PRKRIP1: variants seen among roughly 807,000 people sequenced by gnomAD.
PRKRIP1 encodes PRKR-interacting protein 1.
In PRKRIP1, 29 loss-of-function variants were observed where a neutral mutation model predicts 29.3. The observed-to-expected ratio is 0.99, with a 90% CI of 0.74 to 1.35. The LOEUF is 1.35. Among genes scored for constraint, PRKRIP1 ranks in the 40% most tolerant of loss-of-function variants. The pLI, the probability that PRKRIP1 is intolerant of heterozygous loss-of-function variation, is 0.00. For synonymous variants in PRKRIP1, 90 were observed against 85.1 expected, an observed-to-expected ratio of 1.06 and a Z score of -0.32; for missense variants, 247 against 236.8, an observed-to-expected ratio of 1.04 and a Z score of -0.28.
At chr7:102,401,233 A>G (rs1554571137) in intron 3 of PRKRIP1, among the ~76,000 whole-genome samples, 1 of 152,200 alleles carries the variant, frequency 6.6e-6, no homozygotes, top group African/African-American at 2.4e-5. Context: ...GGATAGATCA[A>G]TAGGTGTGTG....
chr7:102,410,688 T>C (rs1234774109), intron 5 of PRKRIP1, among the ~76,000 whole-genome samples: 1 of 152,198 alleles, frequency 6.6e-6, no homozygotes, highest in Non-Finnish European at 1.5e-5. Context: ...TCCAGAGTTC[T>C]GAAAAAGTTG....
chr7:102,409,541 A>G (rs1426519720), intron 5 of PRKRIP1, among the ~76,000 whole-genome samples: 1 of 152,032 alleles, frequency 6.6e-6, no homozygotes, highest in Non-Finnish European at 1.5e-5. Flanking sequence ...GTAAAAAATC[A>G]GCCAGGCATG....
At chr7:102,408,089 A>G (rs17135197) in intron 5 of PRKRIP1, among the ~76,000 whole-genome samples, 11,784 of 152,216 alleles carry the variant, frequency 0.077, 513 homozygotes, top group African/African-American at 0.11. Flanking sequence ...TCAGCAGTGT[A>G]GGCTGGCTCC....
intron 3 of PRKRIP1, among the ~76,000 whole-genome samples, chr7:102,403,778 A>G (rs1796134400): frequency 2.0e-5 from 3 of 152,238 alleles, no homozygotes; most frequent in African/African-American, 7.2e-5. Context: ...AACTGCTGAG[A>G]AGAAGTAATG....
In PRKRIP1 at chr7:102,404,661, A is replaced by G; in HGVS notation, c.370A>G (p.Thr124Ala). 1.2e-6 allele frequency: 2 copies of G among 1,613,828 alleles called. No homozygotes were observed. Among genetic ancestry groups the G allele is most frequent in the Non-Finnish European group, 1.7e-6 (2 of 1,179,880 alleles). ...EKNKIAAEEQ[T>A]AKRRKKRQKL... ...GAATAAAATTGCTGCAGAGGAGCAGACCGCAAAGCGCCGGAAGAAGCGGTA... is the reference window on the plus strand; with the variant it reads ...GAATAAAATTGCTGCAGAGGAGCAGGCCGCAAAGCGCCGGAAGAAGCGGTA... The change falls in exon 4 of 6, where the codon ACC becomes GCC. Residue 124 changes from threonine (T) to alanine (A), a missense_variant. Thr to Ala is a moderately conservative substitution (Grantham distance 58, BLOSUM62 0). Around this residue, in one of 3 missense-constraint regions of PRKRIP1, gnomAD observed 134 missense variants for 126.6 expected, o/e 1.06. Coordinates refer to ENST00000397912, the MANE Select transcript of PRKRIP1 (RefSeq NM_024653.4).
chr7:102,396,495 G>A lies in PRKRIP1; in HGVS notation c.84G>A (p.Ala28=), dbSNP rs782236837. The A allele has an allele frequency of 6.2e-7, 1 of 1,610,038 alleles. No homozygotes were observed. Among genetic ancestry groups the A allele is most frequent in the Admixed American group, 1.7e-5 (1 of 59,596 alleles). Residue 28 remains alanine, a synonymous_variant, in exon 1 of 6, where the codon GCG becomes GCA. Transcript: ENST00000397912. Reference sequence around the variant, plus strand: ...CGCTCGTCATCCCCAAGAATGCGGCGGAGGAGCAGAAGCTCAAGCTGGAGC... The same window carrying A: ...CGCTCGTCATCCCCAAGAATGCGGCAGAGGAGCAGAAGCTCAAGCTGGAGC... The part of the protein sequence containing the change: ...PQTLVIPKNA[A]EEQKLKLERL...
At chr7:102,422,613 A>AT in intron 5 of PRKRIP1, among the ~76,000 whole-genome samples, 1 of 151,906 alleles carries the variant, frequency 6.6e-6, no homozygotes, top group African/African-American at 2.4e-5. Flanking sequence ...AAGTGCTACG[A>AT]TTACAGGCGT....
At chr7:102,413,261 T>A (rs1796440853) in intron 5 of PRKRIP1, among the ~76,000 whole-genome samples, 1 of 152,138 alleles carries the variant, frequency 6.6e-6, no homozygotes, top group Non-Finnish European at 1.5e-5. Context: ...ACGGAATTGT[T>A]CCTGTCTGAG....
chr7:102,403,953 C>T (rs539310537), intron 3 of PRKRIP1, among the ~76,000 whole-genome samples: 1 of 152,154 alleles, frequency 6.6e-6, no homozygotes, highest in East Asian at 1.9e-4. Flanking sequence ...TCCTTTCAGG[C>T]CAGGAATTTA....
At chr7:102,401,709 G>A (rs1461926516) in intron 3 of PRKRIP1, among the ~76,000 whole-genome samples, 3 of 152,098 alleles carry the variant, frequency 2.0e-5, no homozygotes, top group Non-Finnish European at 2.9e-5. Context: ...CTCCAGCCTG[G>A]GCAACAAGAG....
At chr7:102,402,210 A>G (rs1162004285) in intron 3 of PRKRIP1, among the ~76,000 whole-genome samples, 1 of 152,150 alleles carries the variant, frequency 6.6e-6, no homozygotes, top group Non-Finnish European at 1.5e-5. Flanking sequence ...TGGAAGGCCA[A>G]GGTGGGAAGA....
At chr7:102,421,170 A>G (rs1796682119) in intron 5 of PRKRIP1, among the ~76,000 whole-genome samples, 1 of 152,244 alleles carries the variant, frequency 6.6e-6, no homozygotes, top group Non-Finnish European at 1.5e-5. Flanking sequence ...AGAGCCAAGA[A>G]TGACTGCCAC....
intron 5 of PRKRIP1, among the ~76,000 whole-genome samples, chr7:102,416,018 T>C (rs1283263614): frequency 2.0e-5 from 3 of 152,232 alleles, no homozygotes; most frequent in Non-Finnish European, 2.9e-5. Flanking sequence ...CTGGAGAAGC[T>C]CTCTTCACCT....
At position 102,396,416 on chromosome 7, in the gene PRKRIP1, C is replaced by T. The variant is rs782096051; in HGVS notation, c.5C>T (p.Ala2Val). 5 of 1,577,540 alleles carry T rather than the reference C, an allele frequency of 3.2e-6. No individual in the cohort carries two copies. Among genetic ancestry groups the T allele is most frequent in the Non-Finnish European group, 3.4e-6 (4 of 1,168,726 alleles). M[A>V]SPAASSVRPP... ...TTGTGAAACTGGAAGGCTGCCATGGCTAGCCCAGCCGCCTCCTCGGTGCGA... is the reference window on the plus strand; with the variant it reads ...TTGTGAAACTGGAAGGCTGCCATGGTTAGCCCAGCCGCCTCCTCGGTGCGA... Residue 2 changes from alanine (A) to valine (V), a missense_variant, in exon 1 of 6, where the codon GCT becomes GTT. By Grantham distance (64) the Ala-to-Val change is moderately conservative. Coordinates refer to ENST00000397912, the MANE Select transcript of PRKRIP1 (RefSeq NM_024653.4).
At chr7:102,410,362 A>G (rs1796348581) in intron 5 of PRKRIP1, among the ~76,000 whole-genome samples, 2 of 152,162 alleles carry the variant, frequency 1.3e-5, no homozygotes, top group African/African-American at 4.8e-5. Context: ...GGTTTTTGAC[A>G]AACGCCCAGG....
At position 102,419,373 on chromosome 7, in the gene PRKRIP1, C is replaced by T. The variant is rs184453491; in HGVS notation, c.458-5641C>T. 3.7e-3 allele frequency among the ~76,000 whole-genome samples: 566 copies of T among 152,120 alleles called. 2 individuals carry two copies. The highest frequency in any genetic ancestry group is 4.6e-3 in the Non-Finnish European group (315 of 67,996). The stretch of plus-strand genomic sequence containing the variant: ...AGGTTGCTGTGAGCCAAGATCACAC[C>T]ACTGCAGTCCAGCCTGGGTGACAGA... On this transcript the variant is annotated intron_variant, in intron 5 of 5. Coordinates refer to ENST00000397912, the MANE Select transcript of PRKRIP1 (RefSeq NM_024653.4).
At chr7:102,422,896 A>C (rs1796733027) in intron 5 of PRKRIP1, 2 of 289,156 alleles carry the variant, frequency 6.9e-6, no homozygotes, top group Non-Finnish European at 1.4e-5. Context: ...CATTGTGTAG[A>C]TGCAGATATT....
At position 102,425,952 on chromosome 7, in the gene PRKRIP1, G is replaced by A. The variant is rs1249470630; in HGVS notation, c.*841G>A. On this transcript the variant is annotated 3_prime_UTR_variant, in exon 6 of 6. Coordinates refer to ENST00000397912, the MANE Select transcript of PRKRIP1 (RefSeq NM_024653.4). ...AGAGAGGCGGGACTGGGTCAAGTGG[G>A]TGGAGCTCCTCCTTGCATGACTGCA... 1 of 153,128 alleles carries A rather than the reference G, an allele frequency of 6.5e-6. No individual in the cohort carries two copies. Among genetic ancestry groups the A allele is most frequent in the African/African-American group, 2.4e-5 (1 of 41,482 alleles). The allele number at this position is 153,128 out of a possible 1,614,324, so 9.5% of individuals were successfully genotyped here.
intron 5 of PRKRIP1, among the ~76,000 whole-genome samples, chr7:102,411,967 C>T (rs552949185): frequency 5.3e-5 from 8 of 151,578 alleles, no homozygotes; most frequent in Admixed American, 2.6e-4. Context: ...GTTTTTGAGA[C>T]GGTCTCGCTC....
Sources: gnomAD v4.1 joint callset for allele counts (sites outside exome capture counted in the v4.1 genomes callset) on GRCh38, gnomAD v4.1.1 for gene constraint, gnomAD v4.1.1 regional missense constraint, MANE v1.5 for transcripts, NCBI Gene and HGNC (gene_info 2026-07-23, HGNC 2026-07-21) for gene names.